CNBD1: variants seen among roughly 807,000 people sequenced by gnomAD.
The protein encoded by CNBD1 is cyclic nucleotide binding domain containing 1.
CNBD1 carries 71 observed loss-of-function variants against 54.4 expected under a neutral mutation model. The observed-to-expected ratio is 1.30, with a 90% confidence interval of 1.08 to 1.59. The LOEUF is 1.59. CNBD1 is among the 40% of genes most tolerant of loss of function. The pLI is 0.00. For synonymous variants in CNBD1, 182 were observed against 170.7 expected (o/e 1.07, Z -0.51); for missense variants, 659 against 518.0 (o/e 1.27, Z -2.64).
intron 6 of CNBD1, among the ~76,000 whole-genome samples, chr8:87,277,296 T>A (rs1186010993): frequency 5.3e-5 from 8 of 151,716 alleles, no homozygotes; most frequent in African/African-American, 1.9e-4. Context: ...GTCAGCCTTT[T>A]ATGCTATACA....
chr8:87,085,484 T>A lies in CNBD1; in HGVS notation c.432-120509T>A, dbSNP rs372353626. Among the ~76,000 whole-genome samples the A allele has an allele frequency of 1.4e-3, 212 of 152,294 alleles. 3 individuals are homozygous for A. The South Asian group carries it at 0.024, about 17-fold the overall frequency. Reference sequence around the variant, plus strand: ...AATTTCTCTCTTTGTTCAGTTTTTATCATGAGGGATTGAGCTAATATAGTC... The same window carrying A: ...AATTTCTCTCTTTGTTCAGTTTTTAACATGAGGGATTGAGCTAATATAGTC... On this transcript the variant is annotated intron_variant, in intron 4 of 10. Coordinates refer to ENST00000518476, the MANE Select transcript of CNBD1 (RefSeq NM_173538.3).
chr8:86,956,372 T>G (rs570378139), intron 4 of CNBD1, among the ~76,000 whole-genome samples: 1 of 152,316 alleles, frequency 6.6e-6, no homozygotes, highest in African/African-American at 2.4e-5. Flanking sequence ...GTGAAGAAAG[T>G]CATTGGTAGC....
intron 3 of CNBD1, among the ~76,000 whole-genome samples, chr8:86,919,020 C>A (rs1326513226): frequency 1.3e-5 from 2 of 149,150 alleles, no homozygotes; most frequent in Non-Finnish European, 3.0e-5. Flanking sequence ...AAATATCATG[C>A]TTTTTTTTTT....
chr8:87,370,537 G>T (rs1427279953), intron 10 of CNBD1, among the ~76,000 whole-genome samples: 1 of 152,102 alleles, frequency 6.6e-6, no homozygotes, highest in Non-Finnish European at 1.5e-5. Flanking sequence ...TTTGAGAAGT[G>T]TCTGTTCATG....
chr8:86,964,674 G>A (rs980319318), intron 4 of CNBD1, among the ~76,000 whole-genome samples: 1 of 152,162 alleles, frequency 6.6e-6, no homozygotes, highest in Non-Finnish European at 1.5e-5. Flanking sequence ...AGTGAGACTG[G>A]GACCTGCCTA....
intron 8 of CNBD1, among the ~76,000 whole-genome samples, chr8:87,306,503 C>T (rs766883592): frequency 3.3e-5 from 5 of 152,122 alleles, no homozygotes; most frequent in African/African-American, 4.8e-5. Flanking sequence ...AATCCAAATG[C>T]CCATCAATCA....
At chr8:87,135,542 G>GTTTGTCA (rs1385374772) in intron 4 of CNBD1, among the ~76,000 whole-genome samples, 4 of 149,138 alleles carry the variant, frequency 2.7e-5, no homozygotes, top group Non-Finnish European at 4.5e-5. Flanking sequence ...GGGGAAAAAT[G>GTTTGTCA]TTTGTCATCC....
chr8:87,115,489 GCTCA>G (rs1811749644), intron 4 of CNBD1, among the ~76,000 whole-genome samples: 1 of 152,024 alleles, frequency 6.6e-6, no homozygotes, highest in South Asian at 2.1e-4. Context: ...TTTTCAAGTT[GCTCA>G]CTATTTCTAT....
At position 87,190,863 on chromosome 8, in the gene CNBD1, C is replaced by G. The variant is rs1006756158; in HGVS notation, c.432-15130C>G. ...TAGATATAGATACATGTACCTATAT[C>G]TAAATAGATATAGATACATGTACGT... On this transcript the variant is annotated intron_variant, in intron 4 of 10. Transcript: ENST00000518476. 7.6e-5 allele frequency among the ~76,000 whole-genome samples: 11 copies of G among 144,566 alleles called. 1 individual carries two copies. The highest frequency in any genetic ancestry group is 1.3e-4 in the Non-Finnish European group (9 of 66,794). The allele number at this position is 144,566 out of a possible 152,430, so 94.8% of individuals were successfully genotyped here. A position where few individuals can be genotyped will look rare whatever the true frequency, so the allele number is the denominator to read the frequency against.
intron 6 of CNBD1, among the ~76,000 whole-genome samples, chr8:87,279,510 A>G (rs527590519): frequency 6.6e-5 from 10 of 151,556 alleles, no homozygotes; most frequent in African/African-American, 2.2e-4. Context: ...AAGGATACAG[A>G]AAGTTGCAAA....
chr8:87,395,116 T>C (rs1215443316), intron 2 of CNBD1, among the ~76,000 whole-genome samples: 1 of 151,932 alleles, frequency 6.6e-6, no homozygotes, highest in Non-Finnish European at 1.5e-5. Flanking sequence ...TAGGCAAATA[T>C]GACTATAGAG....
rs988254625 is a variant in CNBD1 at position 86,873,886 on chromosome 8, G to A, written c.88+7303G>A. Reference sequence around the variant, plus strand: ...TTTTTCTAGAGCAATTTGACATTCCGTCATCCCCATATTTCAGTGTGTATT... The same window carrying A: ...TTTTTCTAGAGCAATTTGACATTCCATCATCCCCATATTTCAGTGTGTATT... On this transcript the variant is annotated intron_variant, in intron 1 of 10. Transcript: ENST00000518476. Among the ~76,000 whole-genome samples, 16 of 152,166 alleles carry A rather than the reference G, an allele frequency of 1.1e-4. No individual in the cohort carries two copies. The South Asian group carries it at 1.2e-3, about 12-fold the overall frequency.
intron 4 of CNBD1, among the ~76,000 whole-genome samples, chr8:87,099,105 A>C (rs1053278761): frequency 6.6e-6 from 1 of 151,938 alleles, no homozygotes; most frequent in Non-Finnish European, 1.5e-5. Flanking sequence ...CCACTGTGAA[A>C]AGACAACCTC....
At chr8:87,113,763 C>CA (rs1291844276) in intron 4 of CNBD1, among the ~76,000 whole-genome samples, 1 of 151,884 alleles carries the variant, frequency 6.6e-6, no homozygotes, top group South Asian at 2.1e-4. Flanking sequence ...ACTAAAAATA[C>CA]AAAAAATTAG....
intron 2 of CNBD1, among the ~76,000 whole-genome samples, chr8:87,400,486 A>G (rs1233132006): frequency 1.3e-5 from 2 of 152,014 alleles, no homozygotes; most frequent in Non-Finnish European, 2.9e-5. Flanking sequence ...GGAACTTGTT[A>G]GAAAAATGTC....
In CNBD1 at chr8:86,932,299, C is replaced by A. The variant is rs191842253; in HGVS notation, c.273-7297C>A. Among the ~76,000 whole-genome samples, 105 of 152,256 alleles carry A rather than the reference C, an allele frequency of 6.9e-4. No individual in the cohort carries two copies. In the Middle Eastern group the frequency reaches 0.014, roughly 20 times the overall value. ...TTTAAGTCAGAGAGGGAGAAAGGGA[C>A]ACGTATCCATGTTGGGCCAAATTCC... On this transcript the variant is annotated intron_variant, in intron 3 of 10. Transcript: ENST00000518476.
intron 8 of CNBD1, among the ~76,000 whole-genome samples, chr8:87,350,607 C>T (rs770767813): frequency 6.6e-6 from 1 of 151,642 alleles, no homozygotes; most frequent in African/African-American, 2.4e-5. Context: ...GATATATGCT[C>T]TTTTATGCTA....
At chr8:87,397,834 T>C (rs1160856005) in intron 2 of CNBD1, among the ~76,000 whole-genome samples, 1 of 151,974 alleles carries the variant, frequency 6.6e-6, no homozygotes, top group Non-Finnish European at 1.5e-5. Flanking sequence ...GGCAGGTCTT[T>C]CCCATGTTGT....
intron 5 of CNBD1, 150 bp downstream of exon 5, chr8:87,206,288 A>T: frequency 3.4e-6 from 2 of 587,998 alleles, no homozygotes; most frequent in Non-Finnish European, 5.4e-6. Context: ...TTGTAAGTTT[A>T]TAAGTAGTGA....
Sources: gnomAD v4.1 joint callset for allele counts (sites outside exome capture counted in the v4.1 genomes callset) on GRCh38, gnomAD v4.1.1 for gene constraint, MANE v1.5 for transcripts, NCBI Gene and HGNC (gene_info 2026-07-23, HGNC 2026-07-21) for gene names.